The following KCTD3 variants were observed in gnomAD, a reference collection of about 807,000 sequenced individuals.
The protein encoded by KCTD3 is BTB/POZ domain-containing protein KCTD3.
KCTD3 carries 41 observed loss-of-function variants against 85.8 expected under a neutral mutation model. The ratio of observed to expected loss-of-function variants is 0.48; its 90% CI spans 0.37 to 0.62. KCTD3 has a LOEUF of 0.62. Among genes scored for constraint, KCTD3 ranks in the 20% least tolerant of loss-of-function variants. The pLI, the probability that KCTD3 is intolerant of heterozygous loss-of-function variation, is 0.00. For missense variants in KCTD3, 724 were observed against 989.9 expected (o/e 0.73, Z 3.60); for synonymous variants, 338 against 345.4 (o/e 0.98, Z 0.24).
intron 8 of KCTD3, 77 bp from the exon 9 acceptor site, chr1:215,586,418 T>C (rs1265639687): frequency 5.1e-6 from 6 of 1,170,470 alleles, no homozygotes; most frequent in Non-Finnish European, 7.2e-6. Context: ...TTGTTTTTTG[T>C]TTTTGGTGCA....
chr1:215,618,073 C>T (rs540945462), intron 15 of KCTD3: 5 of 463,732 alleles, frequency 1.1e-5, no homozygotes, highest in East Asian at 7.0e-5. Context: ...AATGTATATG[C>T]TTCTCTCTTG....
At chr1:215,587,427 C>T (rs370742709) in intron 9 of KCTD3, among the ~76,000 whole-genome samples, 6 of 152,140 alleles carry the variant, frequency 3.9e-5, no homozygotes, top group African/African-American at 1.2e-4. Context: ...CCATGCCCGG[C>T]CTTTCTGTAG....
intron 10 of KCTD3, among the ~76,000 whole-genome samples, chr1:215,597,472 T>G (rs1018359264): frequency 6.6e-6 from 1 of 152,190 alleles, no homozygotes; most frequent in South Asian, 2.1e-4. Flanking sequence ...TTCATTCTCA[T>G]ATCAACGTAG....
chr1:215,591,673 A>C (rs574291710), intron 9 of KCTD3, among the ~76,000 whole-genome samples: 3 of 152,178 alleles, frequency 2.0e-5, no homozygotes, highest in Admixed American at 2.0e-4. Context: ...TCTTTCCTTG[A>C]GGATTCTTGC....
chr1:215,614,104 C>CT (rs1206020522), intron 15 of KCTD3, among the ~76,000 whole-genome samples: 1 of 135,312 alleles, frequency 7.4e-6, no homozygotes, highest in Admixed American at 8.3e-5. Context: ...GTAATATCAG[C>CT]TTACTGCAAG....
At chr1:215,605,773 CACATAGT>C (rs1284767448) in intron 13 of KCTD3, among the ~76,000 whole-genome samples, 16 of 152,184 alleles carry the variant, frequency 1.1e-4, no homozygotes, top group African/African-American at 3.6e-4. Context: ...TTTCACCTCC[CACATAGT>C]ACAATTCATC....
At chr1:215,580,379 T>C (rs1054124440) in intron 8 of KCTD3, among the ~76,000 whole-genome samples, 16 of 152,216 alleles carry the variant, frequency 1.1e-4, no homozygotes, top group Admixed American at 1.0e-3. Flanking sequence ...TTTTGTATTC[T>C]ATAGCAAGGG....
chr1:215,614,033 T>TTTTG (rs1655336847), intron 15 of KCTD3, among the ~76,000 whole-genome samples: 3 of 138,526 alleles, frequency 2.2e-5, no homozygotes, highest in African/African-American at 8.3e-5. Flanking sequence ...TTTTTTTTTT[T>TTTTG]TTTTTTTTTT....
intron 4 of KCTD3, among the ~76,000 whole-genome samples, chr1:215,577,085 T>C (rs1309646753): frequency 1.3e-5 from 2 of 152,082 alleles, no homozygotes; most frequent in Non-Finnish European, 2.9e-5. Context: ...TTTACTACTA[T>C]GAAGTAGCAT....
chr1:215,567,999 C>A (rs1659208198), intron 1 of KCTD3, among the ~76,000 whole-genome samples: 1 of 152,164 alleles, frequency 6.6e-6, no homozygotes. Flanking sequence ...GAGGACCAGG[C>A]CCATGTGGCA....
chr1:215,568,703 G>A (rs1022446328), intron 1 of KCTD3, among the ~76,000 whole-genome samples: 2 of 152,058 alleles, frequency 1.3e-5, no homozygotes, highest in African/African-American at 4.8e-5. Context: ...TTGAGAATAT[G>A]ATTTTCAACC....
At chr1:215,606,422 C>T (rs1232593249) in intron 13 of KCTD3, among the ~76,000 whole-genome samples, 2 of 152,064 alleles carry the variant, frequency 1.3e-5, no homozygotes, top group African/African-American at 2.4e-5. Flanking sequence ...TCTCCAATAG[C>T]AGAAACTTTG....
In KCTD3 at chr1:215,619,194, G is replaced by A. The variant is rs953071507; in HGVS notation, c.1789G>A (p.Asp597Asn). Residue 597 changes from aspartate to asparagine, a missense_variant, in exon 17 of 18, where the codon GAT (aspartate) becomes AAT (asparagine). Asp to Asn is a conservative substitution (Grantham distance 23, BLOSUM62 1). Coordinates refer to ENST00000259154, the MANE Select transcript of KCTD3 (RefSeq NM_016121.5). ...CGAAGAAGAGCTACTCAAATTACTCGATCAATGTGATTTGAGCACATCTCG... is the reference window on the plus strand; with the variant it reads ...CGAAGAAGAGCTACTCAAATTACTCAATCAATGTGATTTGAGCACATCTCG... ...PTEEELLKLL[D>N]QCDLSTSRCA... 2 of 1,613,616 alleles carry A rather than the reference G, an allele frequency of 1.2e-6. No individual in the cohort carries two copies. The highest frequency in any genetic ancestry group is 1.3e-5 in the African/African-American group (1 of 74,908).
chr1:215,610,310 A>C (rs1236093848), intron 14 of KCTD3, among the ~76,000 whole-genome samples: 1 of 151,910 alleles, frequency 6.6e-6, no homozygotes, highest in East Asian at 1.9e-4. Context: ...CCAAAAGGCC[A>C]AGAAGCGATC....
At chr1:215,614,057 G>C (rs1655339222) in intron 15 of KCTD3, among the ~76,000 whole-genome samples, 1 of 111,242 alleles carries the variant, frequency 9.0e-6, no homozygotes, top group South Asian at 3.2e-4. Flanking sequence ...TTAAGAGACA[G>C]AGTCTCACTC....
chr1:215,588,857 A>T (rs190879083), intron 9 of KCTD3, among the ~76,000 whole-genome samples: 84 of 152,316 alleles, frequency 5.5e-4, no homozygotes, highest in Non-Finnish European at 9.7e-4. Context: ...CTCTCTGCCA[A>T]ATCTTTAGAT....
chr1:215,602,915 T>G (rs1654888943), intron 12 of KCTD3, among the ~76,000 whole-genome samples: 1 of 152,224 alleles, frequency 6.6e-6, no homozygotes, highest in South Asian at 2.1e-4. Context: ...CCTATGAATT[T>G]GACTGAAACC....
chr1:215,602,040 G>A, intron 11 of KCTD3, 45 bp from the exon 12 acceptor site: 8 of 1,402,404 alleles, frequency 5.7e-6, no homozygotes, highest in Non-Finnish European at 8.0e-6. Context: ...GTTTTAAATA[G>A]ATATGCTATT....
intron 4 of KCTD3, 34 bp from the exon 5 acceptor site, chr1:215,577,636 T>C (rs1348364240): frequency 8.0e-6 from 11 of 1,371,814 alleles, no homozygotes; most frequent in Non-Finnish European, 1.1e-5. Flanking sequence ...AGGTTTCCAG[T>C]GTTAGAGAAT....
Sources: gnomAD v4.1 joint callset for allele counts (sites outside exome capture counted in the v4.1 genomes callset) on GRCh38, gnomAD v4.1.1 for gene constraint, MANE v1.5 for transcripts, NCBI Gene and HGNC (gene_info 2026-07-23, HGNC 2026-07-21) for gene names.